PTPRG: variants seen among roughly 807,000 people sequenced by gnomAD.
PTPRG encodes the protein receptor-type tyrosine-protein phosphatase gamma.
Under a neutral mutation model 165.3 loss-of-function variants are expected in PTPRG, and 102 were observed. The observed-to-expected ratio is 0.62, with a 90% CI of 0.53 to 0.73. PTPRG has a LOEUF of 0.73. Among genes scored for constraint, PTPRG ranks in the 30% least tolerant of loss-of-function variants. The pLI is 0.00. For missense variants in PTPRG, 1,866 were observed against 1,861.4 expected (o/e 1.00, Z -0.05); for synonymous variants, 675 against 669.5 (o/e 1.01, Z -0.13).
At chr3:61,960,914 G>C (rs960438578) in intron 2 of PTPRG, among the ~76,000 whole-genome samples, 1 of 152,102 alleles carries the variant, frequency 6.6e-6, no homozygotes, top group South Asian at 2.1e-4. Flanking sequence ...TCAAATCCTA[G>C]ACCCTTCACT....
intron 19 of PTPRG, 56 bp from the exon 20 acceptor site, chr3:62,268,979 C>T: frequency 6.8e-7 from 1 of 1,459,958 alleles, no homozygotes; most frequent in Non-Finnish European, 9.2e-7. Flanking sequence ...ATTACATTAT[C>T]AACAGAATTG....
chr3:61,944,361 A>T (rs2039704933), intron 2 of PTPRG, among the ~76,000 whole-genome samples: 1 of 152,146 alleles, frequency 6.6e-6, no homozygotes, highest in South Asian at 2.1e-4. Context: ...TGTTCTTAAG[A>T]TTGGCAGTGG....
intron 14 of PTPRG, among the ~76,000 whole-genome samples, chr3:62,242,923 C>A (rs1012338624): frequency 6.6e-6 from 1 of 152,052 alleles, no homozygotes; most frequent in Non-Finnish European, 1.5e-5. Context: ...GCTAAAAGAC[C>A]CAGCAGTAGG....
chr3:61,956,287 C>G (rs576045541), intron 2 of PTPRG, among the ~76,000 whole-genome samples: 4,482 of 110,648 alleles, frequency 0.041, 225 homozygotes, highest in African/African-American at 0.13. Flanking sequence ...CTCTCTCTCT[C>G]TCTCTCTCAC....
intron 3 of PTPRG, among the ~76,000 whole-genome samples, chr3:61,997,988 C>G (rs1369038266): frequency 6.6e-6 from 1 of 152,118 alleles, no homozygotes; most frequent in African/African-American, 2.4e-5. Context: ...AACGGTGCAT[C>G]AGGGTAGGAG....
chr3:62,081,402 G>T (rs1701576285), intron 5 of PTPRG, among the ~76,000 whole-genome samples: 1 of 152,128 alleles, frequency 6.6e-6, no homozygotes, highest in Admixed American at 6.5e-5. Context: ...AAGTGTAGTG[G>T]TGCAATTATG....
intron 6 of PTPRG, among the ~76,000 whole-genome samples, chr3:62,150,336 G>C (rs1450306964): frequency 6.6e-6 from 1 of 152,212 alleles, no homozygotes; most frequent in African/African-American, 2.4e-5. Flanking sequence ...AGGCTGCACA[G>C]GATGTAGGAA....
At chr3:61,718,153 A>G (rs1048910790) in intron 1 of PTPRG, among the ~76,000 whole-genome samples, 1 of 149,860 alleles carries the variant, frequency 6.7e-6, no homozygotes. Context: ...GCACTGTAGC[A>G]TGGGTGACTG....
intron 7 of PTPRG, among the ~76,000 whole-genome samples, chr3:62,158,828 C>A (rs1052523643): frequency 6.6e-6 from 1 of 151,660 alleles, no homozygotes; most frequent in African/African-American, 2.4e-5. Flanking sequence ...AAAGGACTGG[C>A]GATTTGGTTT....
intron 2 of PTPRG, among the ~76,000 whole-genome samples, chr3:61,952,977 G>A (rs2039934541): frequency 6.6e-6 from 1 of 152,182 alleles, no homozygotes; most frequent in Non-Finnish European, 1.5e-5. Context: ...TCACTCCTGT[G>A]TCAGTAACTA....
chr3:62,077,626 T>C (rs1304405212), intron 4 of PTPRG, among the ~76,000 whole-genome samples: 2 of 152,204 alleles, frequency 1.3e-5, no homozygotes, highest in African/African-American at 4.8e-5. Context: ...GTGGCATGAA[T>C]GCATTGTAGT....
At chr3:61,671,840 C>T (rs1336073157) in intron 1 of PTPRG, among the ~76,000 whole-genome samples, 5 of 136,304 alleles carry the variant, frequency 3.7e-5, no homozygotes, top group South Asian at 2.5e-4. Flanking sequence ...CCAGTAGGGG[C>T]GGCCGGGCAG....
chr3:61,822,681 G>A (rs1378999326), intron 2 of PTPRG, among the ~76,000 whole-genome samples: 4 of 152,174 alleles, frequency 2.6e-5, no homozygotes, highest in African/African-American at 9.7e-5. Flanking sequence ...TCCAATTTAA[G>A]CAAGGAGGAA....
chr3:61,776,380 C>T (rs1029034492), intron 2 of PTPRG, among the ~76,000 whole-genome samples: 2 of 152,102 alleles, frequency 1.3e-5, no homozygotes, highest in East Asian at 1.9e-4. Flanking sequence ...TTAGTTGTAT[C>T]GCATAGATTA....
At chr3:62,079,095 A>G (rs11130874) in intron 5 of PTPRG, among the ~76,000 whole-genome samples, 26,032 of 152,252 alleles carry the variant, frequency 0.17, 2,336 homozygotes, top group South Asian at 0.27. Flanking sequence ...AGTTAAAGAC[A>G]TAAGAGCCTT....
intron 1 of PTPRG, among the ~76,000 whole-genome samples, chr3:61,588,169 T>C (rs1350609554): frequency 6.6e-6 from 1 of 152,100 alleles, no homozygotes; most frequent in African/African-American, 2.4e-5. Flanking sequence ...AGATTCAGGT[T>C]ATTATTTGCT....
At chr3:61,819,121 T>C (rs1431768578) in intron 2 of PTPRG, among the ~76,000 whole-genome samples, 1 of 152,146 alleles carries the variant, frequency 6.6e-6, no homozygotes, top group Non-Finnish European at 1.5e-5. Context: ...AGTAGTGTTA[T>C]ATGCCAAAAA....
At chr3:62,250,316 A>G (rs1701383556) in intron 15 of PTPRG, among the ~76,000 whole-genome samples, 1 of 152,116 alleles carries the variant, frequency 6.6e-6, no homozygotes, top group Admixed American at 6.5e-5. Flanking sequence ...GCTTCCTGAT[A>G]CACAGCAAGC....
chr3:62,106,208 G>A (rs1026137770), intron 5 of PTPRG, among the ~76,000 whole-genome samples: 2 of 152,180 alleles, frequency 1.3e-5, no homozygotes, highest in South Asian at 2.1e-4. Context: ...TGGAAACAGA[G>A]GTAGAAGAAC....
Sources: allele counts gnomAD v4.1 joint callset (sites outside exome capture counted in the v4.1 genomes callset), GRCh38; gene constraint gnomAD v4.1.1; transcripts MANE v1.5; gene names NCBI Gene and HGNC (gene_info 2026-07-23, HGNC 2026-07-21).